PHB2: variants seen among roughly 807,000 people sequenced by gnomAD.
PHB2 encodes the protein prohibitin-2.
A neutral mutation model predicts 46.4 loss-of-function variants in PHB2; 22 were observed. The ratio of observed to expected loss-of-function variants is 0.47; its 90% confidence interval spans 0.34 to 0.68. The LOEUF is 0.68. PHB2 is among the 30% of genes least tolerant of loss of function. The pLI, the probability that PHB2 is intolerant of heterozygous loss-of-function variation, is 0.01. For synonymous variants in PHB2, 156 were observed against 150.5 expected, an observed-to-expected ratio of 1.04 and a Z score of -0.27; for missense variants, 305 against 382.8, an observed-to-expected ratio of 0.80 and a Z score of 1.70.
chr12:6,966,032 A>G (rs953960191), intron 8 of PHB2, 116 bp from the exon 9 acceptor site: 3 of 1,141,108 alleles, frequency 2.6e-6, no homozygotes, highest in Admixed American at 2.0e-5. Flanking sequence ...GAGAAAAGAT[A>G]AACAGGGTTG....
chr12:6,965,765 A>C (rs782532660), intron 9 of PHB2, 53 bp from the exon 10 acceptor site: 1 of 1,566,170 alleles, frequency 6.4e-7, no homozygotes, highest in Non-Finnish European at 8.8e-7. Context: ...TAAATGTGAG[A>C]GGCAGGACAC....
rs782231758 is a variant in PHB2 at position 6,970,324 on chromosome 12, G to C, written c.128-44C>G. 1.4e-5 allele frequency: 22 copies of C among 1,607,248 alleles called. No homozygotes were observed. In the South Asian group the frequency reaches 2.4e-4, roughly 18 times the overall value. On this transcript the variant is annotated intron_variant, in intron 1 of 9. Transcript: ENST00000535923. ...TGATCAGGCCAGGCCGCTGCTCAGA[G>C]GAAATGCTAGGCCCGTGGAGGGGCG...
chr12:6,967,958 C>T lies in PHB2; in HGVS notation c.541G>A (p.Asp181Asn). Residue 181 changes from aspartate (D) to asparagine (N), a missense_variant, in exon 5 of 10, where the codon GAT (aspartate) becomes AAT (asparagine). Coordinates refer to ENST00000535923, the MANE Select transcript of PHB2 (RefSeq NM_001144831.2). This position sits in a 1 kb window ranked among gnomAD's most constrained non-coding sequence, Gnocchi z 4.9. ...AAGCTCAGCTCTGTGATGGCCACATCATCCAGGATGAGGCTGAAGTCCTTG... is the reference window on the plus strand; with the variant it reads ...AAGCTCAGCTCTGTGATGGCCACATTATCCAGGATGAGGCTGAAGTCCTTG... ...RAKDFSLILD[D>N]VAITELSFSR... 1 of 1,613,784 alleles carries T rather than the reference C, an allele frequency of 6.2e-7. No individual in the cohort carries two copies. The highest frequency in any genetic ancestry group is 8.5e-7 in the Non-Finnish European group (1 of 1,179,706).
At position 6,967,043 on chromosome 12, in the gene PHB2, C is replaced by A; in HGVS notation, c.789+128G>T. 1 of 809,066 alleles carries A rather than the reference C, an allele frequency of 1.2e-6. No individual in the cohort carries two copies. The highest frequency in any genetic ancestry group is 2.0e-6 in the Non-Finnish European group (1 of 491,086). The allele number at this position is 809,066 out of a possible 1,614,324, so 50.1% of individuals were successfully genotyped here. ...GGATTACATGCGTGAGCCACCGCGC[C>A]GGCCAGAGAAGCCAATCTGAGTAGA... On this transcript the variant is annotated intron_variant, in intron 7 of 9. Transcript: ENST00000535923. This position sits in a 1 kb window ranked among gnomAD's most constrained non-coding sequence, Gnocchi z 4.9.
chr12:6,967,451 C>G lies in PHB2; in HGVS notation c.712-203G>C, dbSNP rs782818015. ...CTAGGGGCAGCACCAGAAATGAAGG[C>G]AAGGCCACCAATGCTATTGATCTGG... On this transcript the variant is annotated intron_variant, in intron 6 of 9. Coordinates refer to ENST00000535923, the MANE Select transcript of PHB2 (RefSeq NM_001144831.2). This position sits in a 1 kb window ranked among gnomAD's most constrained non-coding sequence, Gnocchi z 4.9. 1 of 1,153,814 alleles carries G rather than the reference C, an allele frequency of 8.7e-7. No individual in the cohort carries two copies. The highest frequency in any genetic ancestry group is 1.3e-6 in the Non-Finnish European group (1 of 771,394). 71.5% of individuals were successfully genotyped at this position (1,153,814 alleles called of 1,614,324 possible).
chr12:6,970,428 G>C lies in PHB2; in HGVS notation c.116C>G (p.Ser39Cys). ...CGGAGGTTGCTCACCGGTGAACACA[G>C]ATTCGCGCACACCGTAGGCCACGGC... ...AGAVAYGVRE[S>C]VFTVEGGHRA... The change falls in exon 1 of 10, where the codon TCT becomes TGT. Residue 39 changes from serine (S) to cysteine (C), a missense_variant. Transcript: ENST00000535923. The C allele has an allele frequency of 6.2e-7, 1 of 1,604,046 alleles. No individual in the cohort carries two copies. Among genetic ancestry groups the C allele is most frequent in the Non-Finnish European group, 8.5e-7 (1 of 1,179,700 alleles).
intron 4 of PHB2, 123 bp from the exon 5 acceptor site, chr12:6,968,144 A>C: frequency 1.1e-6 from 1 of 921,502 alleles, no homozygotes; most frequent in Non-Finnish European, 1.6e-6. Context: ...GCTTCCTGTC[A>C]GGCAAACCTG....
rs1276384616 is a variant in PHB2 at position 6,970,459 on chromosome 12, C to T, written c.85G>A (p.Ala29Thr). 29 of 1,604,834 alleles carry T rather than the reference C, an allele frequency of 1.8e-5. No individual in the cohort carries two copies. Among genetic ancestry groups the T allele is most frequent in the Non-Finnish European group, 2.5e-5 (29 of 1,179,508 alleles). The change falls in exon 1 of 10, where the codon GCC becomes ACC. Residue 29 changes from alanine (A) to threonine (T), a missense_variant. Around this residue, in one of 3 missense-constraint regions of PHB2, gnomAD observed 60 missense variants for 61.0 expected, o/e 0.98. Coordinates refer to ENST00000535923, the MANE Select transcript of PHB2 (RefSeq NM_001144831.2). ...MGTALKLLLGAGAVAYGVRES... is the reference protein window; with the variant it reads ...MGTALKLLLGTGAVAYGVRES... ...CGCACACCGTAGGCCACGGCGCCGGCCCCCAGCAACAGCTTCAGGGCCGTG... is the reference window on the plus strand; with the variant it reads ...CGCACACCGTAGGCCACGGCGCCGGTCCCCAGCAACAGCTTCAGGGCCGTG...
In PHB2 at chr12:6,967,508, A is replaced by G. The variant is rs1946235941; in HGVS notation, c.711+168T>C. On this transcript the variant is annotated intron_variant, in intron 6 of 9. Transcript: ENST00000535923. This position sits in a 1 kb window ranked among gnomAD's most constrained non-coding sequence, Gnocchi z 4.9. ...AGTGGGGAGTCATGGCTCAGGTACT[A>G]CCACTAAGATTTCAGATCTCATCTG... is the stretch of plus-strand genomic sequence containing the variant. The G allele has an allele frequency of 1.1e-6, 1 of 904,850 alleles. No individual in the cohort carries two copies. Among genetic ancestry groups the G allele is most frequent in the Admixed American group, 1.7e-5 (1 of 59,186 alleles). 56.1% of individuals were successfully genotyped at this position (904,850 alleles called of 1,614,324 possible). A position where few individuals can be genotyped will look rare whatever the true frequency, so the allele number is the denominator to read the frequency against.
rs1946254571 is a variant in PHB2, at chr12:6,968,447, C to T, written c.441G>A (p.Lys147=). 3 of 1,612,494 alleles carry T rather than the reference C, an allele frequency of 1.9e-6. No individual in the cohort carries two copies. In the African/African-American group the frequency reaches 4.0e-5, roughly 22 times the overall value. ...VNEVLKSVVA[K]FNASQLITQR... is the part of the protein sequence containing the mutation. Reference sequence around the variant, plus strand: ...GGGTGATCAGCTGTGAGGCATTGAACTTGGCCACCACACTCTTGAGCACCT... The same window carrying T: ...GGGTGATCAGCTGTGAGGCATTGAATTTGGCCACCACACTCTTGAGCACCT... The change falls in exon 4 of 10, where the codon AAG becomes AAA. Residue 147 remains lysine, a synonymous_variant. Coordinates refer to ENST00000535923, the MANE Select transcript of PHB2 (RefSeq NM_001144831.2).
At chr12:6,966,294 A>G (rs782158007) in intron 8 of PHB2, 130 bp downstream of exon 8, 1 of 678,714 alleles carries the variant, frequency 1.5e-6, no homozygotes, top group Non-Finnish European at 2.7e-6. Context: ...ACTGTCAACC[A>G]CCCCCTTTTC....
intron 2 of PHB2, chr12:6,969,781 C>T (rs1054194863): frequency 5.9e-6 from 3 of 508,384 alleles, no homozygotes; most frequent in Non-Finnish European, 7.1e-6. Flanking sequence ...CGCCTGTAAT[C>T]CCAGCTACTC....
chr12:6,969,925 G>C, intron 2 of PHB2: 1 of 652,150 alleles, frequency 1.5e-6, no homozygotes, highest in Non-Finnish European at 2.8e-6. Context: ...AAAGGCCGCA[G>C]TTTCACTAGC....
rs781962720 is a variant in PHB2 at position 6,967,852 on chromosome 12, G to T, written c.607+40C>A. On this transcript the variant is annotated intron_variant, in intron 5 of 9. Transcript: ENST00000535923. This position sits in a 1 kb window ranked among gnomAD's most constrained non-coding sequence, Gnocchi z 4.9. ...CACCCATGGAGTCTTTCCTCCTCCT[G>T]CATCTCAGAAGCCCTCACCCCACGG... 4.3e-6 allele frequency: 7 copies of T among 1,610,340 alleles called. No individual in the cohort carries two copies. The East Asian group carries it at 1.3e-4, about 31-fold the overall frequency.
intron 3 of PHB2, 26 bp downstream of exon 3, chr12:6,969,472 T>G: frequency 7.4e-7 from 1 of 1,346,532 alleles, no homozygotes; most frequent in East Asian, 2.3e-5. Context: ...CCACCTGCCA[T>G]GTGATTACCA....
upstream of PHB2, chr12:6,970,735 C>A: frequency 1.1e-6 from 1 of 934,680 alleles, no homozygotes; most frequent in Non-Finnish European, 1.6e-6. Flanking sequence ...ACTTCGCGCA[C>A]AGGAATCGCG....
intron 2 of PHB2, 118 bp downstream of exon 2, chr12:6,970,078 G>A: frequency 1.2e-6 from 1 of 811,756 alleles, no homozygotes; most frequent in Non-Finnish European, 2.2e-6. Flanking sequence ...CCTAGGGGCA[G>A]GGATGAGGAG....
intron 7 of PHB2, 59 bp from the exon 8 acceptor site, chr12:6,966,559 C>T: frequency 9.6e-7 from 1 of 1,044,186 alleles, no homozygotes; most frequent in South Asian, 1.3e-5. Flanking sequence ...ATTCCGACCC[C>T]TGCAATTCAG....
Position 6,968,559 on chromosome 12 carries a change from G to A in PHB2, c.329C>T (p.Ser110Phe). 8 of 1,613,858 alleles carry A rather than the reference G, an allele frequency of 5.0e-6. No homozygotes were observed. Among genetic ancestry groups the A allele is most frequent in the African/African-American group, 1.3e-5 (1 of 75,054 alleles). The change falls in exon 4 of 10, where the codon TCT (serine) becomes TTT (phenylalanine). Residue 110 changes from serine to phenylalanine, a missense_variant. Ser to Phe is a radical substitution (Grantham distance 155). This residue lies in a region of PHB2 where 241 missense variants were observed against 302.7 expected (regional missense o/e 0.80). Coordinates refer to ENST00000535923, the MANE Select transcript of PHB2 (RefSeq NM_001144831.2). ...AGGAAGCTCCTGAGCATTGGGTCGA[G>A]ACAACACTCGCAGGGAGATATTCAC... Reference protein sequence around the residue: ...QMVNISLRVLSRPNAQELPSM... With the variant: ...QMVNISLRVLFRPNAQELPSM...
Sources: gnomAD v4.1 joint callset for allele counts on GRCh38, gnomAD v4.1.1 for gene constraint, gnomAD v4.1.1 regional missense constraint, Gnocchi (gnomAD v3.1) non-coding constraint, MANE v1.5 for transcripts, NCBI Gene and HGNC (gene_info 2026-07-23, HGNC 2026-07-21) for gene names.